UMAD1: variants seen among roughly 807,000 people sequenced by gnomAD.
The protein encoded by UMAD1 is UBAP1-MVB12-associated (UMA)-domain containing protein 1.
In UMAD1, 8 loss-of-function variants were observed where a neutral mutation model predicts 6.1. That is an observed-to-expected ratio of 1.30 (90% CI 0.76 to 2.35). The LOEUF is 2.35. Among genes scored for constraint, UMAD1 ranks in the 30% most tolerant of loss-of-function variants. UMAD1 has a pLI of 0.00. For synonymous variants in UMAD1, 56 were observed against 31.4 expected (o/e 1.78, Z -2.61); for missense variants, 130 against 78.4 (o/e 1.66, Z -2.49).
chr7:7,796,543 GC>G (rs1782686858), intron 2 of UMAD1, among the ~76,000 whole-genome samples: 2 of 152,082 alleles, frequency 1.3e-5, no homozygotes, highest in Admixed American at 1.3e-4. Flanking sequence ...GAGCCACCGT[GC>G]CCGGCCGACC....
rs1583869076 is a variant in UMAD1, at chr7:7,847,051, T to C, written c.157-30230T>C. ...TGCACATGTACCCTAAAACTTAGAG[T>C]ATAATAAAAAAAAAAAAAAAAAAAA... On this transcript the variant is annotated intron_variant, in intron 3 of 3. Coordinates refer to ENST00000682710, the MANE Select transcript of UMAD1 (RefSeq NM_001302348.2). Among the ~76,000 whole-genome samples, 3 of 13,854 alleles carry C rather than the reference T, an allele frequency of 2.2e-4. No individual in the cohort carries two copies. The South Asian group carries it at 8.3e-3, about 38-fold the overall frequency. The allele number at this position is 13,854 out of a possible 152,430, so 9.1% of individuals were successfully genotyped here. A position where few individuals can be genotyped will look rare whatever the true frequency, so the allele number is the denominator to read the frequency against.
chr7:7,833,976 A>C (rs1223919403), intron 3 of UMAD1, among the ~76,000 whole-genome samples: 2 of 149,918 alleles, frequency 1.3e-5, no homozygotes, highest in Non-Finnish European at 3.0e-5. Context: ...GAATGTGGAG[A>C]TCTACCCAAG....
At chr7:7,729,860 G>A (rs1445410926) in intron 2 of UMAD1, among the ~76,000 whole-genome samples, 6 of 152,064 alleles carry the variant, frequency 3.9e-5, no homozygotes, top group Admixed American at 1.3e-4. Context: ...CTACCCTCTC[G>A]TGTCAAGTTG....
chr7:7,690,013 T>C (rs1303622320), intron 2 of UMAD1, among the ~76,000 whole-genome samples: 1 of 152,202 alleles, frequency 6.6e-6, no homozygotes, highest in Non-Finnish European at 1.5e-5. Flanking sequence ...TTAGATGATA[T>C]ATTCCACATT....
chr7:7,853,552 A>C (rs7804266), intron 3 of UMAD1, among the ~76,000 whole-genome samples: 24,321 of 151,662 alleles, frequency 0.16, 2,771 homozygotes, highest in Non-Finnish European at 0.23. Flanking sequence ...ATTCCTAATC[A>C]TGTTATTATT....
At chr7:7,873,107 T>A (rs1275709532) in intron 3 of UMAD1, among the ~76,000 whole-genome samples, 2 of 152,194 alleles carry the variant, frequency 1.3e-5, no homozygotes, top group Admixed American at 6.5e-5. Flanking sequence ...CATTTAACAA[T>A]CCTATGAAAT....
intron 1 of UMAD1, among the ~76,000 whole-genome samples, chr7:7,644,344 TCATTC>T (rs1785047139): frequency 6.8e-6 from 1 of 147,422 alleles, no homozygotes; most frequent in Non-Finnish European, 1.5e-5. Flanking sequence ...TTTCCTTCCT[TCATTC>T]CATCCTTTTT....
At chr7:7,789,888 G>A (rs1175266389) in intron 2 of UMAD1, among the ~76,000 whole-genome samples, 1 of 152,016 alleles carries the variant, frequency 6.6e-6, no homozygotes, top group African/African-American at 2.4e-5. Context: ...ATTGGCCATC[G>A]TGCATGGTGC....
intron 2 of UMAD1, chr7:7,718,415 T>C (rs1331199312): frequency 4.6e-5 from 7 of 152,194 alleles, no homozygotes; most frequent in Non-Finnish European, 1.0e-4. Context: ...GGAGTAAAAA[T>C]GCATAATCTA....
At chr7:7,767,525 C>CA (rs1190088814) in intron 2 of UMAD1, among the ~76,000 whole-genome samples, 2 of 152,100 alleles carry the variant, frequency 1.3e-5, no homozygotes, top group Non-Finnish European at 2.9e-5. Context: ...TGGAAAGCAG[C>CA]ATTTTTACAC....
chr7:7,662,326 T>C (rs1785494731), intron 1 of UMAD1, among the ~76,000 whole-genome samples: 1 of 152,036 alleles, frequency 6.6e-6, no homozygotes, highest in Non-Finnish European at 1.5e-5. Flanking sequence ...AATGGTTCTG[T>C]TTTGCTGGCG....
intron 2 of UMAD1, among the ~76,000 whole-genome samples, chr7:7,774,583 T>C (rs57264513): frequency 0.029 from 4,430 of 152,288 alleles, 83 homozygotes; most frequent in South Asian, 0.059. Flanking sequence ...TTTATGTCCT[T>C]TTTTTGGGAA....
intron 1 of UMAD1, among the ~76,000 whole-genome samples, chr7:7,656,886 C>G (rs755436714): frequency 3.3e-5 from 5 of 152,216 alleles, no homozygotes; most frequent in Non-Finnish European, 7.3e-5. Context: ...TGAGGAATCA[C>G]CACACTGACT....
At chr7:7,855,622 T>C (rs1784002133) in intron 3 of UMAD1, among the ~76,000 whole-genome samples, 1 of 152,222 alleles carries the variant, frequency 6.6e-6, no homozygotes, top group Non-Finnish European at 1.5e-5. Flanking sequence ...CTTTTCCTCC[T>C]AGGCCTCCAG....
intron 2 of UMAD1, among the ~76,000 whole-genome samples, chr7:7,676,983 G>A (rs967813045): frequency 6.6e-6 from 1 of 152,088 alleles, no homozygotes; most frequent in Admixed American, 6.5e-5. Context: ...TAGTCTCAGA[G>A]CATACTGTAT....
chr7:7,874,404 T>C (rs112735506), intron 3 of UMAD1, among the ~76,000 whole-genome samples: 2,143 of 152,310 alleles, frequency 0.014, 53 homozygotes, highest in African/African-American at 0.049. Flanking sequence ...TTTCCAACAA[T>C]ATGTTCTTCA....
At chr7:7,817,918 A>T (rs11771218) in intron 3 of UMAD1, among the ~76,000 whole-genome samples, 1 of 151,548 alleles carries the variant, frequency 6.6e-6, no homozygotes, top group Non-Finnish European at 1.5e-5. Context: ...GGCTCATGTG[A>T]TCTTCTCACC....
chr7:7,749,016 G>A (rs1441083642), intron 2 of UMAD1, among the ~76,000 whole-genome samples: 2 of 151,976 alleles, frequency 1.3e-5, no homozygotes. Context: ...CCAGATCAGT[G>A]TGATTGCTTT....
chr7:7,836,668 A>G (rs1277211235), intron 3 of UMAD1, among the ~76,000 whole-genome samples: 1 of 152,010 alleles, frequency 6.6e-6, no homozygotes, highest in African/African-American at 2.4e-5. Context: ...AGAATTAAAA[A>G]TTAAGTGTAT....
Sources: allele counts gnomAD v4.1 joint callset (sites outside exome capture counted in the v4.1 genomes callset), GRCh38; gene constraint gnomAD v4.1.1; transcripts MANE v1.5; gene names NCBI Gene and HGNC (gene_info 2026-07-23, HGNC 2026-07-21).